The following ANK2 variants were observed in gnomAD, a reference collection of about 807,000 sequenced individuals.
ANK2 encodes the protein ankyrin 2, also known as ankyrin-2.
Under a neutral mutation model 360.5 loss-of-function variants are expected in ANK2, and 83 were observed. The observed-to-expected ratio is 0.23, with a 90% CI of 0.19 to 0.28. The LOEUF (loss-of-function observed/expected upper bound fraction) is 0.28, where lower values mean the gene tolerates loss of function less well. ANK2 is among the 10% of genes least tolerant of loss of function. The probability of loss-of-function intolerance (pLI) is 1.00; values close to 1 mark genes in which losing one functional copy is unlikely to be tolerated. For synonymous variants in ANK2, 1,740 were observed against 1,759.5 expected (o/e 0.99, Z 0.28); for missense variants, 4,201 against 4,795.7 (o/e 0.88, Z 3.66).
intron 1 of ANK2, among the ~76,000 whole-genome samples, chr4:113,168,524 T>G (rs542941578): frequency 6.6e-6 from 1 of 152,206 alleles, no homozygotes; most frequent in Non-Finnish European, 1.5e-5. Flanking sequence ...AATTTTCATT[T>G]AGTAGCAATC....
At chr4:113,323,544 T>C (rs553795785) in intron 26 of ANK2, among the ~76,000 whole-genome samples, 34 of 152,268 alleles carry the variant, frequency 2.2e-4, no homozygotes, top group African/African-American at 7.5e-4. Context: ...TAAAAACCCA[T>C]ATCCAGTGAT....
At chr4:112,710,069 G>T in the ANK2 span, among the ~76,000 whole-genome samples, 1 of 152,170 alleles carries the variant, frequency 6.6e-6, no homozygotes, top group East Asian at 1.9e-4. Context: ...GCTGAGCGAG[G>T]CATAGTTTTC....
intron 1 of ANK2, among the ~76,000 whole-genome samples, chr4:112,899,705 C>G (rs1370358375): frequency 3.3e-5 from 5 of 152,146 alleles, no homozygotes. Context: ...CAATCCATCC[C>G]TGTAGCCAGA....
In ANK2 at chr4:113,109,088, C is replaced by T. The variant is rs145875834; in HGVS notation, c.84+59276C>T. Among the ~76,000 whole-genome samples, 767 of 151,814 alleles carry T rather than the reference C, an allele frequency of 5.1e-3. 1 individual carries two copies. Among genetic ancestry groups the T allele is most frequent in the African/African-American group, 0.015 (636 of 41,404 alleles). On this transcript the variant is annotated intron_variant, in intron 1 of 45. Coordinates refer to ENST00000357077, the MANE Select transcript of ANK2 (RefSeq NM_001148.6). The stretch of plus-strand genomic sequence containing the variant: ...TAACATTTATAATCATCTGTTCTTA[C>T]GCAAAGCAGTATGTCTTGGTGGAGA...
chr4:112,844,583 AAAGTTT>A (rs1449184406), intron 1 of ANK2, among the ~76,000 whole-genome samples: 1 of 152,238 alleles, frequency 6.6e-6, no homozygotes, highest in African/African-American at 2.4e-5. Context: ...TTTTCTACTT[AAAGTTT>A]AAGAAACTCA....
chr4:112,935,946 A>G (rs901676451), intron 2 of ANK2, among the ~76,000 whole-genome samples: 1 of 152,248 alleles, frequency 6.6e-6, no homozygotes, highest in African/African-American at 2.4e-5. Flanking sequence ...GCAAGAGACA[A>G]GGAAAGACAT....
intron 2 of ANK2, among the ~76,000 whole-genome samples, chr4:112,999,238 A>G (rs746445640): frequency 7.9e-5 from 12 of 151,646 alleles, no homozygotes; most frequent in Non-Finnish European, 1.5e-4. Context: ...AACTAAAATA[A>G]TGGTAAGGAA....
chr4:113,242,312 C>G lies in ANK2; in HGVS notation c.891+103C>G, dbSNP rs1340584523. The G allele has an allele frequency of 5.0e-6, 5 of 992,506 alleles. No individual in the cohort carries two copies. The South Asian group carries it at 6.7e-5, about 13-fold the overall frequency. The allele number at this position is 992,506 out of a possible 1,614,324, so 61.5% of individuals were successfully genotyped here. On this transcript the variant is annotated intron_variant, in intron 9 of 45. Transcript: ENST00000357077. ...GTCATTAACATAAGCAATGTGTTTTCAAGGAAATTGCTTTATTGGAATTGA... is the reference window on the plus strand; with the variant it reads ...GTCATTAACATAAGCAATGTGTTTTGAAGGAAATTGCTTTATTGGAATTGA...
At position 113,369,741 on chromosome 4, in the gene ANK2, T is replaced by A; in HGVS notation, c.11546T>A (p.Val3849Glu). The A allele has an allele frequency of 1.2e-6, 2 of 1,614,078 alleles. No homozygotes were observed. The highest frequency in any genetic ancestry group is 1.7e-6 in the Non-Finnish European group (2 of 1,179,998). ...CCGCGGAAAACCAGCCTCGTAATAG[T>A]GGAGTCTGCCGATAACCAGCCTGAG... Reference protein sequence around the residue: ...SSPRKTSLVIVESADNQPETC... With the variant: ...SSPRKTSLVIEESADNQPETC... Residue 3849 changes from valine to glutamate, a missense_variant, in exon 43 of 46, where the codon GTG becomes GAG. This residue lies in a region of ANK2 where 2,642 missense variants were observed against 2,714.5 expected (regional missense o/e 0.97). Transcript: ENST00000357077.
chr4:112,882,917 AGGCTGGACT>A (rs2077115901), intron 1 of ANK2, among the ~76,000 whole-genome samples: 2 of 150,264 alleles, frequency 1.3e-5, no homozygotes, highest in South Asian at 4.3e-4. Flanking sequence ...CTATGTCACC[AGGCTGGACT>A]GGCCTATACC....
At chr4:112,972,609 A>T (rs1242248845) in intron 2 of ANK2, among the ~76,000 whole-genome samples, 2 of 152,152 alleles carry the variant, frequency 1.3e-5, no homozygotes, top group African/African-American at 4.8e-5. Flanking sequence ...GACGTTACAT[A>T]TAGCAAATAT....
At chr4:112,954,161 T>C (rs1280340116) in intron 2 of ANK2, among the ~76,000 whole-genome samples, 1 of 151,836 alleles carries the variant, frequency 6.6e-6, no homozygotes, top group African/African-American at 2.4e-5. Context: ...CCCACCCCTG[T>C]ATCCTTCCCT....
chr4:112,941,463 A>G (rs1224524204), intron 2 of ANK2, among the ~76,000 whole-genome samples: 1 of 144,092 alleles, frequency 6.9e-6, no homozygotes, highest in Non-Finnish European at 1.5e-5. Context: ...TTATAAATAT[A>G]TCTTTATATA....
At chr4:112,849,820 G>A (rs186748295) in intron 1 of ANK2, among the ~76,000 whole-genome samples, 54 of 152,294 alleles carry the variant, frequency 3.5e-4, no homozygotes, top group Non-Finnish European at 6.9e-4. Context: ...GATAGTTGGT[G>A]AACATTATTT....
chr4:113,050,410 A>C (rs765342816), intron 1 of ANK2, among the ~76,000 whole-genome samples: 17 of 152,148 alleles, frequency 1.1e-4, no homozygotes, highest in Non-Finnish European at 2.2e-4. Context: ...AAAACAGCTA[A>C]AGATGTTATG....
At position 113,242,105 on chromosome 4, in the gene ANK2, G is replaced by A. The variant is rs749741442; in HGVS notation, c.793-6G>A. 2.5e-6 allele frequency: 4 copies of A among 1,611,128 alleles called. No homozygotes were observed. Among genetic ancestry groups the A allele is most frequent in the Admixed American group, 1.7e-5 (1 of 59,954 alleles). On this transcript the variant is annotated splice_polypyrimidine_tract_variant and splice_region_variant and intron_variant, in intron 8 of 45. Coordinates refer to ENST00000357077, the MANE Select transcript of ANK2 (RefSeq NM_001148.6). ...ACAGCTCTTGTTTGGTCTTTCTGTG[G>A]TGTAGAATGGAATCACTCCTCTGCA...
At chr4:113,307,459 A>C (rs2077769494) in intron 23 of ANK2, among the ~76,000 whole-genome samples, 1 of 125,640 alleles carries the variant, frequency 8.0e-6, no homozygotes, top group Admixed American at 1.0e-4. Context: ...TCTGTCGCCC[A>C]GGCTGGAGTG....
intron 1 of ANK2, among the ~76,000 whole-genome samples, chr4:113,162,849 G>A (rs1181668967): frequency 6.6e-6 from 1 of 151,444 alleles, no homozygotes; most frequent in Non-Finnish European, 1.5e-5. Context: ...TACATAGTAG[G>A]TACTTCAAAA....
chr4:112,854,457 G>A (rs908570695), intron 1 of ANK2, among the ~76,000 whole-genome samples: 1 of 152,170 alleles, frequency 6.6e-6, no homozygotes, highest in Non-Finnish European at 1.5e-5. Context: ...TGATAGCCTT[G>A]TTTTAGGGAT....
Sources: gnomAD v4.1 joint callset for allele counts (sites outside exome capture counted in the v4.1 genomes callset) on GRCh38, gnomAD v4.1.1 for gene constraint, gnomAD v4.1.1 regional missense constraint, MANE v1.5 for transcripts, NCBI Gene and HGNC (gene_info 2026-07-23, HGNC 2026-07-21) for gene names.